DNAJC12: variants seen among roughly 807,000 people sequenced by gnomAD.
DNAJC12 encodes DnaJ heat shock protein family (Hsp40) member C12.
Under a neutral mutation model 28.5 loss-of-function variants are expected in DNAJC12, and 25 were observed. The observed-to-expected ratio is 0.88, with a 90% CI of 0.64 to 1.22. The LOEUF is 1.22. Among genes scored for constraint, DNAJC12 ranks in the 50% most tolerant of loss-of-function variants. The probability of loss-of-function intolerance (pLI) is 0.00; values close to 1 mark genes in which losing one functional copy is unlikely to be tolerated. For missense variants in DNAJC12, 222 were observed against 231.7 expected, an observed-to-expected ratio of 0.96 and a Z score of 0.27; for synonymous variants, 77 against 80.6, an observed-to-expected ratio of 0.95 and a Z score of 0.24.
intron 3 of DNAJC12, among the ~76,000 whole-genome samples, chr10:67,807,876 T>G (rs1462950855): frequency 1.3e-5 from 2 of 152,256 alleles, no homozygotes; most frequent in Non-Finnish European, 2.9e-5. Context: ...ATCTCCTTTG[T>G]GAGTAAATCA....
chr10:67,826,326 G>GT lies in DNAJC12; in HGVS notation c.79-2935dup, dbSNP rs201279506. Among the ~76,000 whole-genome samples the GT allele has an allele frequency of 1.7e-4, 26 of 151,186 alleles. No individual in the cohort carries two copies. In the East Asian group the frequency reaches 4.9e-3, roughly 28 times the overall value. On this transcript the variant is annotated intron_variant, in intron 1 of 4. Transcript: ENST00000225171. ...ATTTTGCATGTTTTATAGAGATGGG[G>GT]TTTTGCCATCTTGTCCAGGCTGGTC...
rs137870020 is a variant in DNAJC12, at chr10:67,823,359, C to A, written c.112G>T (p.Ala38Ser). Residue 38 changes from alanine to serine, a missense_variant, in exon 2 of 5, where the codon GCT becomes TCT. Ala to Ser is a moderately conservative substitution (Grantham distance 99). Transcript: ENST00000225171. Reference sequence around the variant, plus strand: ...TGCTTGTCTGGGTGACATTCCAGAGCTCTGACTTTAAATTCTGCCAGGATT... The same window carrying A: ...TGCTTGTCTGGGTGACATTCCAGAGATCTGACTTTAAATTCTGCCAGGATT... ...EQILAEFKVR[A>S]LECHPDKHPE... 5 of 1,613,906 alleles carry A rather than the reference C, an allele frequency of 3.1e-6. No homozygotes were observed. The highest frequency in any genetic ancestry group is 4.2e-6 in the Non-Finnish European group (5 of 1,180,000).
At position 67,814,700 on chromosome 10, in the gene DNAJC12, G is replaced by A. The variant is rs117428420; in HGVS notation, c.158-3037C>T. ...TAACCCAAATGCAAAATGGACAAAG[G>A]GCTTGAATGAACATTTCTCCAAAGA... On this transcript the variant is annotated intron_variant, in intron 2 of 4. Transcript: ENST00000225171. Among the ~76,000 whole-genome samples the A allele has an allele frequency of 8.8e-3, 1,337 of 152,096 alleles. 6 individuals carry two copies. Among genetic ancestry groups the A allele is most frequent in the Non-Finnish European group, 0.013 (880 of 67,992 alleles).
chr10:67,816,923 C>T (rs1019441146), intron 2 of DNAJC12, among the ~76,000 whole-genome samples: 3 of 152,098 alleles, frequency 2.0e-5, no homozygotes, highest in Admixed American at 1.3e-4. Context: ...CCACACAGAG[C>T]GCTGGCATGA....
intron 1 of DNAJC12, among the ~76,000 whole-genome samples, chr10:67,831,941 A>G (rs1249756507): frequency 1.3e-5 from 2 of 152,246 alleles, no homozygotes; most frequent in Non-Finnish European, 2.9e-5. Flanking sequence ...CCAGTGATGG[A>G]AATTCATATG....
intron 2 of DNAJC12, among the ~76,000 whole-genome samples, chr10:67,819,940 A>G (rs947736099): frequency 6.6e-6 from 1 of 152,198 alleles, no homozygotes; most frequent in Non-Finnish European, 1.5e-5. Flanking sequence ...CTGAGCTTCC[A>G]GAATGACTAA....
Position 67,835,518 on chromosome 10 carries a change from C to T in DNAJC12, c.78+2416G>A, listed in dbSNP as rs538387439. Among the ~76,000 whole-genome samples, 28 of 151,970 alleles carry T rather than the reference C, an allele frequency of 1.8e-4. No individual in the cohort carries two copies. The East Asian group carries it at 4.8e-3, about 26-fold the overall frequency. ...CATCCTGGCCAACACGGTGAAACCC[C>T]GTCTCTACTAAAAATACAAAAATTA... is the stretch of plus-strand genomic sequence containing the variant. On this transcript the variant is annotated intron_variant, in intron 1 of 4. Transcript: ENST00000225171.
In DNAJC12 at chr10:67,827,996, G is replaced by C. The variant is rs188571676; in HGVS notation, c.79-4604C>G. ...CCCTACTCCATGTGACCACTGCCAA[G>C]TGCAGTCCATTGGAGCTGACACCCC... On this transcript the variant is annotated intron_variant, in intron 1 of 4. Coordinates refer to ENST00000225171, the MANE Select transcript of DNAJC12 (RefSeq NM_021800.3). Among the ~76,000 whole-genome samples, 113 of 152,190 alleles carry C rather than the reference G, an allele frequency of 7.4e-4. 1 individual carries two copies. The highest frequency in any genetic ancestry group is 1.6e-3 in the Admixed American group (24 of 15,264).
chr10:67,811,475 G>C (rs751146848), intron 3 of DNAJC12, 49 bp downstream of exon 3: 3 of 1,611,086 alleles, frequency 1.9e-6, no homozygotes, highest in Non-Finnish European at 2.5e-6. Flanking sequence ...TCTAATCCAT[G>C]GGCATCCTGA....
At chr10:67,804,151 G>C (rs907198420) in intron 4 of DNAJC12, among the ~76,000 whole-genome samples, 1 of 152,092 alleles carries the variant, frequency 6.6e-6, no homozygotes, top group Admixed American at 6.6e-5. Flanking sequence ...ATAATTTGAA[G>C]GACAGTTACA....
intron 1 of DNAJC12, among the ~76,000 whole-genome samples, chr10:67,832,729 G>A (rs1431500168): frequency 6.6e-6 from 1 of 152,148 alleles, no homozygotes; most frequent in Non-Finnish European, 1.5e-5. Flanking sequence ...TAAACTTAGT[G>A]AGTAAAAGTT....
chr10:67,837,915 A>C lies in DNAJC12; in HGVS notation c.78+19T>G, dbSNP rs773756818. 1.1e-5 allele frequency: 17 copies of C among 1,532,024 alleles called. No individual in the cohort carries two copies. The highest frequency in any genetic ancestry group is 1.4e-5 in the African/African-American group (1 of 72,254). The allele number at this position is 1,532,024 out of a possible 1,614,324, so 94.9% of individuals were successfully genotyped here. ...GAAAAAGAATACTGTTGTGATAAAA[A>C]TATTATCCACTGTCTTACCGAAGAT... On this transcript the variant is annotated intron_variant, in intron 1 of 4. Coordinates refer to ENST00000225171, the MANE Select transcript of DNAJC12 (RefSeq NM_021800.3).
chr10:67,827,765 T>G (rs1324405447), intron 1 of DNAJC12: 2 of 152,226 alleles, frequency 1.3e-5, no homozygotes, highest in African/African-American at 4.8e-5. Flanking sequence ...TTTGTTTACA[T>G]GCGTGACTGT....
chr10:67,821,510 C>CT (rs1223100952), intron 2 of DNAJC12, among the ~76,000 whole-genome samples: 1 of 151,902 alleles, frequency 6.6e-6, no homozygotes, highest in Non-Finnish European at 1.5e-5. Flanking sequence ...GAGCAAAACT[C>CT]TGTCTCAAAA....
chr10:67,832,502 T>A (rs926945291), intron 1 of DNAJC12, among the ~76,000 whole-genome samples: 1 of 152,154 alleles, frequency 6.6e-6, no homozygotes, highest in Non-Finnish European at 1.5e-5. Context: ...ATGGTAATAT[T>A]TGGGTTATAA....
chr10:67,834,000 G>A (rs1842119032), intron 1 of DNAJC12: 53 of 455,612 alleles, frequency 1.2e-4, no homozygotes, highest in South Asian at 8.5e-4. Flanking sequence ...GAAAATAAGA[G>A]ATGCTCATTG....
At chr10:67,836,044 T>C (rs1842139705) in intron 1 of DNAJC12, among the ~76,000 whole-genome samples, 1 of 152,182 alleles carries the variant, frequency 6.6e-6, no homozygotes. Flanking sequence ...TCATGTCCTT[T>C]GCAGGGACAT....
At chr10:67,812,688 C>CAA (rs1172092515) in intron 2 of DNAJC12, among the ~76,000 whole-genome samples, 204 of 95,706 alleles carry the variant, frequency 2.1e-3, no homozygotes, top group East Asian at 5.1e-3. Flanking sequence ...GCTAAAAATA[C>CAA]AAAAAAAAAA....
chr10:67,807,675 T>A (rs539179613), intron 3 of DNAJC12, among the ~76,000 whole-genome samples: 1 of 152,142 alleles, frequency 6.6e-6, no homozygotes, highest in Non-Finnish European at 1.5e-5. Flanking sequence ...GAGCTGAAAA[T>A]GTAAACTGTG....
Sources: allele counts gnomAD v4.1 joint callset (sites outside exome capture counted in the v4.1 genomes callset), GRCh38; gene constraint gnomAD v4.1.1; transcripts MANE v1.5; gene names NCBI Gene and HGNC (gene_info 2026-07-23, HGNC 2026-07-21).